The following RAB8B variants were observed in gnomAD, a reference collection of about 807,000 sequenced individuals.
RAB8B encodes ras-related protein Rab-8B.
In RAB8B, 11 loss-of-function variants were observed where a neutral mutation model predicts 32.0. That is an observed-to-expected ratio of 0.34 (90% CI 0.22 to 0.57). RAB8B has a LOEUF of 0.57. Among genes scored for constraint, RAB8B ranks in the 20% least tolerant of loss-of-function variants. The pLI, the probability that RAB8B is intolerant of heterozygous loss-of-function variation, is 0.86. For synonymous variants in RAB8B, 103 were observed against 89.6 expected, an observed-to-expected ratio of 1.15 and a Z score of -0.85; for missense variants, 190 against 258.5, an observed-to-expected ratio of 0.73 and a Z score of 1.82.
intron 2 of RAB8B, among the ~76,000 whole-genome samples, chr15:63,247,360 A>G (rs1427947772): frequency 2.0e-5 from 3 of 152,234 alleles, no homozygotes; most frequent in Non-Finnish European, 2.9e-5. Flanking sequence ...TGATGTTGCA[A>G]TATGCAAGGC....
At chr15:63,245,142 AAGAC>A (rs1279095367) in intron 2 of RAB8B, among the ~76,000 whole-genome samples, 1 of 152,230 alleles carries the variant, frequency 6.6e-6, no homozygotes, top group Non-Finnish European at 1.5e-5. Context: ...GAAATCTGAT[AAGAC>A]AGAGTAGTCA....
chr15:63,262,708 C>T lies in RAB8B; in HGVS notation c.497C>T (p.Ala166Val). 1.4e-6 allele frequency: 2 copies of T among 1,445,580 alleles called. No homozygotes were observed. Among genetic ancestry groups the T allele is most frequent in the Non-Finnish European group, 1.8e-6 (2 of 1,092,800 alleles). The allele number at this position is 1,445,580 out of a possible 1,614,324, so 89.5% of individuals were successfully genotyped here. A position where few individuals can be genotyped will look rare whatever the true frequency, so the allele number is the denominator to read the frequency against. Residue 166 changes from alanine to valine, a missense_variant, in exon 7 of 8, where the codon GCA becomes GTA. Physicochemically the swap from Ala to Val is moderately conservative, Grantham distance 64 (BLOSUM62 0). Around this residue, in one of 2 missense-constraint regions of RAB8B, gnomAD observed 110 missense variants for 115.9 expected, o/e 0.95. Transcript: ENST00000321437. ...TACCTATAGGCATTTTTTACACTTGCACGAGATATAATGACAAAACTCAAC... is the reference window on the plus strand; with the variant it reads ...TACCTATAGGCATTTTTTACACTTGTACGAGATATAATGACAAAACTCAAC... Reference protein sequence around the residue: ...ANVEEAFFTLARDIMTKLNRK... With the variant: ...ANVEEAFFTLVRDIMTKLNRK...
intron 4 of RAB8B, 109 bp downstream of exon 4, chr15:63,255,693 A>T: frequency 1.2e-6 from 1 of 843,480 alleles, no homozygotes; most frequent in African/African-American, 1.7e-5. Context: ...GGGCATGGGC[A>T]GGTTGGGCCC....
intron 1 of RAB8B, among the ~76,000 whole-genome samples, chr15:63,240,010 G>A (rs1395614140): frequency 6.6e-6 from 1 of 152,088 alleles, no homozygotes; most frequent in African/African-American, 2.4e-5. Context: ...TGCAAAGTGA[G>A]GTGGTCATGC....
chr15:63,241,958 C>T (rs758934221), intron 1 of RAB8B, among the ~76,000 whole-genome samples: 1 of 151,606 alleles, frequency 6.6e-6, no homozygotes, highest in Non-Finnish European at 1.5e-5. Flanking sequence ...CTTTACAGAC[C>T]CTGAAATGCT....
At chr15:63,249,766 G>T in intron 3 of RAB8B, 61 bp downstream of exon 3, 1 of 1,508,232 alleles carries the variant, frequency 6.6e-7, no homozygotes, top group Admixed American at 1.8e-5. Flanking sequence ...ATGTTTGTTT[G>T]CCAAGATTAT....
At chr15:63,191,360 T>G (rs1359762596) in intron 1 of RAB8B, among the ~76,000 whole-genome samples, 1 of 152,246 alleles carries the variant, frequency 6.6e-6, no homozygotes, top group East Asian at 1.9e-4. Flanking sequence ...ATGGTTTGTT[T>G]GCTCATTCTG....
chr15:63,191,310 G>A (rs1015834309), intron 1 of RAB8B, among the ~76,000 whole-genome samples: 2 of 152,122 alleles, frequency 1.3e-5, no homozygotes, highest in Non-Finnish European at 1.5e-5. Flanking sequence ...TAAAAAAAGA[G>A]TATTTGGTAT....
At chr15:63,239,447 C>G (rs2038013181) in intron 1 of RAB8B, among the ~76,000 whole-genome samples, 1 of 137,046 alleles carries the variant, frequency 7.3e-6, no homozygotes, top group Admixed American at 7.9e-5. Context: ...GAGTCTCACT[C>G]TGTTGCCCAG....
chr15:63,240,568 C>T (rs1276409982), intron 1 of RAB8B, among the ~76,000 whole-genome samples: 1 of 151,980 alleles, frequency 6.6e-6, no homozygotes, highest in African/African-American at 2.4e-5. Context: ...TTCTTACTTA[C>T]TAAAACTGTT....
intron 1 of RAB8B, among the ~76,000 whole-genome samples, chr15:63,214,943 C>G (rs2037779612): frequency 6.6e-6 from 1 of 152,246 alleles, no homozygotes; most frequent in African/African-American, 2.4e-5. Flanking sequence ...CTACAGCTCT[C>G]TGTCCTCAGA....
chr15:63,201,731 G>A (rs990240804), intron 1 of RAB8B, among the ~76,000 whole-genome samples: 7 of 152,140 alleles, frequency 4.6e-5, no homozygotes, highest in Non-Finnish European at 1.0e-4. Flanking sequence ...TAAGGTAGAA[G>A]GAGATAGATA....
chr15:63,237,909 T>C (rs1328754758), intron 1 of RAB8B, among the ~76,000 whole-genome samples: 1 of 152,188 alleles, frequency 6.6e-6, no homozygotes, highest in Non-Finnish European at 1.5e-5. Flanking sequence ...TTGATTTTTG[T>C]ATATGGCAAG....
chr15:63,236,649 T>C (rs1452507751), intron 1 of RAB8B, among the ~76,000 whole-genome samples: 1 of 152,196 alleles, frequency 6.6e-6, no homozygotes, highest in Non-Finnish European at 1.5e-5. Context: ...GATGTATATA[T>C]TTATGGGTTA....
intron 5 of RAB8B, among the ~76,000 whole-genome samples, chr15:63,258,308 G>T (rs2038175145): frequency 6.6e-6 from 1 of 151,954 alleles, no homozygotes; most frequent in African/African-American, 2.4e-5. Flanking sequence ...CACCATGCTG[G>T]CCAGGCTGGT....
chr15:63,234,878 C>T (rs1340794411), intron 1 of RAB8B, among the ~76,000 whole-genome samples: 1 of 152,160 alleles, frequency 6.6e-6, no homozygotes, highest in Non-Finnish European at 1.5e-5. Context: ...GTGCCACTCC[C>T]AACAGTGACC....
rs2037537739 is a variant in RAB8B at position 63,189,765 on chromosome 15, G to T, written c.124+17G>T. ...CCACCATCGGTGAGGGAGGGGCCGC[G>T]GCCCGGGACCGGGTAGAGAATTGGG... On this transcript the variant is annotated intron_variant, in intron 1 of 7. Transcript: ENST00000321437. 1 of 1,407,538 alleles carries T rather than the reference G, an allele frequency of 7.1e-7. No individual in the cohort carries two copies. Among genetic ancestry groups the T allele is most frequent in the South Asian group, 1.1e-5 (1 of 88,216 alleles). The allele number at this position is 1,407,538 out of a possible 1,614,324, so 87.2% of individuals were successfully genotyped here.
At chr15:63,262,392 A>C (rs535099469) in intron 6 of RAB8B, among the ~76,000 whole-genome samples, 1 of 152,300 alleles carries the variant, frequency 6.6e-6, no homozygotes, top group Admixed American at 6.5e-5. Flanking sequence ...CATGCATACT[A>C]TGATTACAAT....
At chr15:63,218,254 G>T (rs570471383) in intron 1 of RAB8B, among the ~76,000 whole-genome samples, 2 of 152,256 alleles carry the variant, frequency 1.3e-5, no homozygotes, top group African/African-American at 4.8e-5. Flanking sequence ...TTCCTCTTAC[G>T]TTAAATGGGG....
Sources: gnomAD v4.1 joint callset for allele counts (sites outside exome capture counted in the v4.1 genomes callset) on GRCh38, gnomAD v4.1.1 for gene constraint, gnomAD v4.1.1 regional missense constraint, MANE v1.5 for transcripts, NCBI Gene and HGNC (gene_info 2026-07-23, HGNC 2026-07-21) for gene names.